VSIG10L: variants seen among roughly 807,000 people sequenced by gnomAD.
The protein encoded by VSIG10L is V-set and immunoglobulin domain-containing protein 10-like.
A neutral mutation model predicts 67.3 loss-of-function variants in VSIG10L; 63 were observed. The ratio of observed to expected loss-of-function variants is 0.94; its 90% CI spans 0.76 to 1.15. The LOEUF (loss-of-function observed/expected upper bound fraction) is 1.15, where lower values mean the gene tolerates loss of function less well. VSIG10L is among the 50% of genes most tolerant of loss of function. VSIG10L has a pLI of 0.00. For synonymous variants in VSIG10L, 499 were observed against 524.9 expected, an observed-to-expected ratio of 0.95 and a Z score of 0.67; for missense variants, 1,050 against 1,177.5, an observed-to-expected ratio of 0.89 and a Z score of 1.58.
At chr19:51,339,813 A>T in intron 4 of VSIG10L, 2 of 543,134 alleles carry the variant, frequency 3.7e-6, no homozygotes, top group Non-Finnish European at 5.5e-6. Context: ...CTCTTATCCT[A>T]GGTGTCTCCG....
chr19:51,337,220 C>T lies in VSIG10L; in HGVS notation c.2305+18G>A. On this transcript the variant is annotated intron_variant, in intron 7 of 9. Coordinates refer to ENST00000335624, the MANE Select transcript of VSIG10L (RefSeq NM_001163922.3). ...TCTGGCACAACAGAGAAGGTCTACTCTGACAGCCCCAACTCACCGGCCCGG... is the reference window on the plus strand; with the variant it reads ...TCTGGCACAACAGAGAAGGTCTACTTTGACAGCCCCAACTCACCGGCCCGG... The T allele has an allele frequency of 6.5e-7, 1 of 1,535,656 alleles. No individual in the cohort carries two copies. Among genetic ancestry groups the T allele is most frequent in the Non-Finnish European group, 8.8e-7 (1 of 1,137,934 alleles).
At position 51,332,079 on chromosome 19, in the gene VSIG10L, C is replaced by T. The variant is rs562086726; in HGVS notation, c.*532G>A. 12 of 160,456 alleles carry T rather than the reference C, an allele frequency of 7.5e-5. No individual in the cohort carries two copies. The South Asian group carries it at 9.8e-4, about 13-fold the overall frequency. 9.9% of individuals were successfully genotyped at this position (160,456 alleles called of 1,614,324 possible). ...TGGGAGGGGAGGTCAGGGAGGCCAA[C>T]AGAGGCCAGACCACAAGGTTTTGAA... is the stretch of plus-strand genomic sequence containing the variant. On this transcript the variant is annotated 3_prime_UTR_variant, in exon 10 of 10. Transcript: ENST00000335624.
Position 51,340,095 on chromosome 19 carries a change from T to C in VSIG10L, c.1394A>G (p.His465Arg). 1 of 1,346,924 alleles carries C rather than the reference T, an allele frequency of 7.4e-7. No individual in the cohort carries two copies. The highest frequency in any genetic ancestry group is 3.1e-5 in the East Asian group (1 of 32,212). The allele number at this position is 1,346,924 out of a possible 1,614,324, so 83.4% of individuals were successfully genotyped here. The change falls in exon 4 of 10, where the codon CAC becomes CGC. Residue 465 changes from histidine to arginine, a missense_variant. His to Arg is a conservative substitution (Grantham distance 29, BLOSUM62 0). This residue lies in a region of VSIG10L where 529 missense variants were observed against 584.9 expected (regional missense o/e 0.90). Coordinates refer to ENST00000335624, the MANE Select transcript of VSIG10L (RefSeq NM_001163922.3). The surrounding 1 kb of genome is among the most constrained non-coding windows in gnomAD (Gnocchi z 6.3). ...RLLLPAVGPG[H>R]AGTYACLAAN... ...CGCCAGGCAGGCGTAGGTGCCTGCG[T>C]GGCCCGGTCCGACCGCGGGCAGCAG...
chr19:51,337,109 A>T (rs1985501799), intron 7 of VSIG10L, 129 bp downstream of exon 7: 1 of 1,211,902 alleles, frequency 8.3e-7, no homozygotes, highest in African/African-American at 1.5e-5. Flanking sequence ...CTGTGAGAGA[A>T]GAAATTCCTG....
At position 51,339,083 on chromosome 19, in the gene VSIG10L, G is replaced by A. The variant is rs1301221066; in HGVS notation, c.1534C>T (p.Arg512Cys). Residue 512 changes from arginine (R) to cysteine (C), a missense_variant, in exon 5 of 10, where the codon CGC (arginine) becomes TGC (cysteine). This residue lies in a region of VSIG10L where 529 missense variants were observed against 584.9 expected (regional missense o/e 0.90). Transcript: ENST00000335624. Reference protein sequence around the residue: ...VEGGPGDRSLRFRCSWPGGAP... With the variant: ...VEGGPGDRSLCFRCSWPGGAP... Reference sequence around the variant, plus strand: ...CCGCCGGGCCACGAGCAGCGGAAGCGGAGGCTGCGGTCCCCGGGACCCCCT... The same window carrying A: ...CCGCCGGGCCACGAGCAGCGGAAGCAGAGGCTGCGGTCCCCGGGACCCCCT... 2 of 1,340,202 alleles carry A rather than the reference G, an allele frequency of 1.5e-6. No homozygotes were observed. Among genetic ancestry groups the A allele is most frequent in the South Asian group, 1.9e-5 (1 of 52,318 alleles). 83.0% of individuals were successfully genotyped at this position (1,340,202 alleles called of 1,614,324 possible). A position where few individuals can be genotyped will look rare whatever the true frequency, so the allele number is the denominator to read the frequency against.
rs1002255545 is a variant in VSIG10L, at chr19:51,338,176, C to A, written c.1762G>T (p.Val588Leu). Residue 588 changes from valine (V) to leucine (L), a missense_variant, in exon 6 of 10, where the codon GTG (valine) becomes TTG (leucine). This residue lies in a region of VSIG10L where 529 missense variants were observed against 584.9 expected (regional missense o/e 0.90). Transcript: ENST00000335624. ...GCCTCCCCCAACCGTGTCTCTGCCA[C>A]CAGCGGATGCAGCAGCACCTCTCGG... ...APREVLLHPL[V>L]AETRLGEAEV... 2.1e-5 allele frequency: 31 copies of A among 1,503,176 alleles called. No homozygotes were observed. Among genetic ancestry groups the A allele is most frequent in the Non-Finnish European group, 2.7e-5 (30 of 1,122,870 alleles). 93.1% of individuals were successfully genotyped at this position (1,503,176 alleles called of 1,614,324 possible). A position where few individuals can be genotyped will look rare whatever the true frequency, so the allele number is the denominator to read the frequency against.
At chr19:51,334,657 G>A (rs1487795623) in intron 7 of VSIG10L, among the ~76,000 whole-genome samples, 1 of 152,188 alleles carries the variant, frequency 6.6e-6, no homozygotes, top group African/African-American at 2.4e-5. Flanking sequence ...TAGAGATAAT[G>A]GGGGACAGGT....
Position 51,340,287 on chromosome 19 carries a change from G to C in VSIG10L, c.1202C>G (p.Pro401Arg), listed in dbSNP as rs965873731. 39 of 1,516,540 alleles carry C rather than the reference G, an allele frequency of 2.6e-5. No individual in the cohort carries two copies. In the African/African-American group the frequency reaches 4.0e-4, roughly 15 times the overall value. The allele number at this position is 1,516,540 out of a possible 1,614,324, so 93.9% of individuals were successfully genotyped here. A position where few individuals can be genotyped will look rare whatever the true frequency, so the allele number is the denominator to read the frequency against. The change falls in exon 4 of 10, where the codon CCG becomes CGG. Residue 401 changes from proline to arginine, a missense_variant. Pro to Arg is a moderately radical substitution (Grantham distance 103). Around this residue, in one of 3 missense-constraint regions of VSIG10L, gnomAD observed 511 missense variants for 557.9 expected, o/e 0.92. Coordinates refer to ENST00000335624, the MANE Select transcript of VSIG10L (RefSeq NM_001163922.3). The surrounding 1 kb of genome is among the most constrained non-coding windows in gnomAD (Gnocchi z 6.3). Reference sequence around the variant, plus strand: ...GTCCGAGGAGACCGTGATGGTCGGCGGGTCCGGGCCGTCTGGAGGGAGGAG... The same window carrying C: ...GTCCGAGGAGACCGTGATGGTCGGCCGGTCCGGGCCGTCTGGAGGGAGGAG... Reference protein sequence around the residue: ...ADVSVFYGPDPPTITVSSDRD... With the variant: ...ADVSVFYGPDRPTITVSSDRD...
chr19:51,338,205 G>T lies in VSIG10L; in HGVS notation c.1733C>A (p.Ala578Asp), dbSNP rs200219374. ...ATRTCTVTPE[A>D]PREVLLHPLV... The stretch of plus-strand genomic sequence containing the variant: ...CGGATGCAGCAGCACCTCTCGGGGG[G>T]CCTCTGCCGGTGGGAGAAGTCCAGT... Residue 578 changes from alanine (A) to aspartate (D), a missense_variant, in exon 6 of 10, where the codon GCC (alanine) becomes GAC (aspartate). By Grantham distance (126) the Ala-to-Asp change is moderately radical. Around this residue, in one of 3 missense-constraint regions of VSIG10L, gnomAD observed 529 missense variants for 584.9 expected, o/e 0.90. Coordinates refer to ENST00000335624, the MANE Select transcript of VSIG10L (RefSeq NM_001163922.3). The T allele has an allele frequency of 9.8e-4, 1,438 of 1,465,240 alleles. 4 individuals are homozygous for T. The highest frequency in any genetic ancestry group is 1.2e-3 in the Non-Finnish European group (1,302 of 1,107,372). The allele number at this position is 1,465,240 out of a possible 1,614,324, so 90.8% of individuals were successfully genotyped here. A position where few individuals can be genotyped will look rare whatever the true frequency, so the allele number is the denominator to read the frequency against.
chr19:51,338,478 A>T (rs1368078842), intron 5 of VSIG10L, among the ~76,000 whole-genome samples: 1 of 151,980 alleles, frequency 6.6e-6, no homozygotes, highest in Non-Finnish European at 1.5e-5. Context: ...TTTCTTCTTT[A>T]TTATTATTAT....
Position 51,332,338 on chromosome 19 carries a change from T to C in VSIG10L, c.*273A>G, listed in dbSNP as rs568030186. The C allele has an allele frequency of 2.6e-4, 139 of 532,854 alleles. No homozygotes were observed. The highest frequency in any genetic ancestry group is 2.5e-4 in the Non-Finnish European group (73 of 290,448). The allele number at this position is 532,854 out of a possible 1,614,324, so 33.0% of individuals were successfully genotyped here. ...AGCCCTGCCTGTCTGCTGCAGAGGC[T>C]TGGAGGTTGTGCAAACCACACAGTT... is the stretch of plus-strand genomic sequence containing the variant. On this transcript the variant is annotated 3_prime_UTR_variant, in exon 10 of 10. Coordinates refer to ENST00000335624, the MANE Select transcript of VSIG10L (RefSeq NM_001163922.3).
chr19:51,337,839 G>A (rs1985523229), intron 6 of VSIG10L, 91 bp downstream of exon 6: 3 of 1,432,286 alleles, frequency 2.1e-6, no homozygotes, highest in African/African-American at 2.9e-5. Context: ...AGGTCTGAGG[G>A]AGGAGAGGTC....
chr19:51,335,693 G>T (rs918544435), intron 7 of VSIG10L, among the ~76,000 whole-genome samples: 5 of 152,204 alleles, frequency 3.3e-5, no homozygotes, highest in African/African-American at 1.2e-4. Context: ...CAGATCACTT[G>T]AGGTCAGGAG....
At chr19:51,335,663 C>G (rs1459584129) in intron 7 of VSIG10L, among the ~76,000 whole-genome samples, 1 of 152,168 alleles carries the variant, frequency 6.6e-6, no homozygotes, top group Non-Finnish European at 1.5e-5. Context: ...AATCCCAGCA[C>G]TTTGGGAGGC....
Position 51,331,615 on chromosome 19 carries a change from G to T in VSIG10L, c.*996C>A, listed in dbSNP as rs2123544081. ...AATGCACTCTCTAAATTCTCAATTA[G>T]AAACCCAGCTGAAAAAGCAAGACTT... On this transcript the variant is annotated 3_prime_UTR_variant, in exon 10 of 10. Coordinates refer to ENST00000335624, the MANE Select transcript of VSIG10L (RefSeq NM_001163922.3). 6.6e-6 allele frequency: 1 copy of T among 152,260 alleles called. No individual in the cohort carries two copies. The highest frequency in any genetic ancestry group is 1.5e-5 in the Non-Finnish European group (1 of 68,026). 9.4% of individuals were successfully genotyped at this position (152,260 alleles called of 1,614,324 possible). A position where few individuals can be genotyped will look rare whatever the true frequency, so the allele number is the denominator to read the frequency against.
At chr19:51,334,805 G>A (rs1477257666) in intron 7 of VSIG10L, among the ~76,000 whole-genome samples, 1 of 148,086 alleles carries the variant, frequency 6.8e-6, no homozygotes, top group African/African-American at 2.6e-5. Flanking sequence ...AGCCAGGTGC[G>A]GTGGCTGCGC....
In VSIG10L at chr19:51,342,073, C is replaced by A. The variant is rs1356345695; in HGVS notation, c.40+12G>T. On this transcript the variant is annotated intron_variant, in intron 1 of 9. Coordinates refer to ENST00000335624, the MANE Select transcript of VSIG10L (RefSeq NM_001163922.3). This position sits in a 1 kb window ranked among gnomAD's most constrained non-coding sequence, Gnocchi z 4.4. ...GGAGACTGACAGGGAAGGGACTGAG[C>A]AGGGAACTTACCCAGGAGTAGGAAG... The A allele has an allele frequency of 6.4e-7, 1 of 1,551,698 alleles. No individual in the cohort carries two copies. The highest frequency in any genetic ancestry group is 2.0e-5 in the Admixed American group (1 of 50,994).
At chr19:51,337,046 G>A (rs534640656) in intron 7 of VSIG10L, among the ~76,000 whole-genome samples, 192 bp downstream of exon 7, 33 of 152,250 alleles carry the variant, frequency 2.2e-4, no homozygotes, top group African/African-American at 7.0e-4. Context: ...GATTACAGGC[G>A]TGAGCCACCG....
Position 51,334,402 on chromosome 19 carries a change from C to T in VSIG10L, c.2306-98G>A, listed in dbSNP as rs374650098. On this transcript the variant is annotated intron_variant, in intron 7 of 9. Transcript: ENST00000335624. ...AACTTTGTGCTGGGACCCAGGAGTC[C>T]GGCCCCCACTGTCCCTCCCCTCCCA... 3.6e-5 allele frequency: 37 copies of T among 1,016,292 alleles called. No homozygotes were observed. In the East Asian group the frequency reaches 3.7e-4, roughly 10 times the overall value. The allele number at this position is 1,016,292 out of a possible 1,614,324, so 63.0% of individuals were successfully genotyped here. A position where few individuals can be genotyped will look rare whatever the true frequency, so the allele number is the denominator to read the frequency against.
Sources: allele counts gnomAD v4.1 joint callset (sites outside exome capture counted in the v4.1 genomes callset), GRCh38; gene constraint gnomAD v4.1.1; regional missense constraint gnomAD v4.1.1; non-coding constraint Gnocchi (gnomAD v3.1); transcripts MANE v1.5; gene names NCBI Gene and HGNC (gene_info 2026-07-23, HGNC 2026-07-21).